Variants in LINGO2 observed in about 807,000 individuals in gnomAD.
LINGO2 encodes the protein leucine-rich repeat and immunoglobulin-like domain-containing nogo receptor-interacting protein 2.
Under a neutral mutation model 30.6 loss-of-function variants are expected in LINGO2, and 14 were observed. The observed-to-expected ratio is 0.46, with a 90% CI of 0.30 to 0.72. The LOEUF (loss-of-function observed/expected upper bound fraction) is 0.72. Among genes scored for constraint, LINGO2 ranks in the 30% least tolerant of loss-of-function variants. The pLI is 0.07. For synonymous variants in LINGO2, 317 were observed against 288.5 expected, an observed-to-expected ratio of 1.10 and a Z score of -1.00; for missense variants, 729 against 751.7, an observed-to-expected ratio of 0.97 and a Z score of 0.35.
At chr9:28,076,200 A>G (rs1010919197) in intron 4 of LINGO2, among the ~76,000 whole-genome samples, 2 of 152,142 alleles carry the variant, frequency 1.3e-5, no homozygotes, top group African/African-American at 2.4e-5. Flanking sequence ...TCTTCTAAAT[A>G]CTATCTTAGA....
At chr9:28,367,175 T>C (rs987659783) in intron 3 of LINGO2, among the ~76,000 whole-genome samples, 3 of 150,548 alleles carry the variant, frequency 2.0e-5, no homozygotes, top group African/African-American at 5.0e-5. Flanking sequence ...TATACATTTA[T>C]TTCAATTCTT....
intron 4 of LINGO2, among the ~76,000 whole-genome samples, chr9:28,016,067 G>A (rs927936931): frequency 2.0e-5 from 3 of 151,362 alleles, no homozygotes; most frequent in Admixed American, 6.6e-5. Flanking sequence ...TTTAATGGAG[G>A]CTTCCTTGGA....
chr9:28,743,232 C>T, the LINGO2 span, among the ~76,000 whole-genome samples: 100 of 151,912 alleles, frequency 6.6e-4, 1 homozygote, highest in Admixed American at 6.1e-3. Flanking sequence ...ATATGCAGAT[C>T]GTGCAGGTTT....
chr9:28,273,214 G>A (rs1244535981), intron 4 of LINGO2, among the ~76,000 whole-genome samples: 2 of 152,130 alleles, frequency 1.3e-5, no homozygotes, highest in Non-Finnish European at 2.9e-5. Context: ...TTCCTTAGAA[G>A]AGATTCTTTA....
chr9:28,328,338 A>G (rs1216051274), intron 3 of LINGO2, among the ~76,000 whole-genome samples: 1 of 152,198 alleles, frequency 6.6e-6, no homozygotes, highest in Non-Finnish European at 1.5e-5. Context: ...GGAAAGTCCA[A>G]TGTGTTGTGA....
At chr9:28,408,038 C>G (rs1430073605) in intron 2 of LINGO2, among the ~76,000 whole-genome samples, 1 of 151,962 alleles carries the variant, frequency 6.6e-6, no homozygotes, top group African/African-American at 2.4e-5. Flanking sequence ...GAGAAGCAGT[C>G]TGACTATTTT....
chr9:28,406,112 T>C (rs1822501721), intron 2 of LINGO2, among the ~76,000 whole-genome samples: 1 of 152,178 alleles, frequency 6.6e-6, no homozygotes, highest in Non-Finnish European at 1.5e-5. Context: ...GTTCATTGGA[T>C]AGAATTTGAA....
chr9:29,006,316 C>G, the LINGO2 span, among the ~76,000 whole-genome samples: 1 of 151,990 alleles, frequency 6.6e-6, no homozygotes, highest in Non-Finnish European at 1.5e-5. Flanking sequence ...CAGAGAAGGG[C>G]TCTGCTTGGT....
intron 4 of LINGO2, among the ~76,000 whole-genome samples, chr9:28,173,327 T>A (rs1828655323): frequency 6.6e-6 from 1 of 152,210 alleles, no homozygotes; most frequent in African/African-American, 2.4e-5. Context: ...GGTATTTATA[T>A]CTGCTGTTTT....
chr9:28,993,323 T>G, the LINGO2 span, among the ~76,000 whole-genome samples: 1 of 152,080 alleles, frequency 6.6e-6, no homozygotes, highest in Middle Eastern at 3.2e-3. Flanking sequence ...CAGGAAAAAG[T>G]TGAATCTCTG....
At chr9:29,041,591 T>C in the LINGO2 span, among the ~76,000 whole-genome samples, 1 of 151,902 alleles carries the variant, frequency 6.6e-6, no homozygotes, top group African/African-American at 2.4e-5. Flanking sequence ...CTAGAGCAAA[T>C]GGACAACCAT....
chr9:29,091,979 T>G, the LINGO2 span, among the ~76,000 whole-genome samples: 15 of 152,072 alleles, frequency 9.9e-5, no homozygotes, highest in African/African-American at 3.6e-4. Flanking sequence ...TAAATAGATA[T>G]CCTAGTTAGT....
the LINGO2 span, chr9:28,863,675 T>C: frequency 5.6e-6 from 3 of 532,300 alleles, no homozygotes; most frequent in South Asian, 1.4e-5. Flanking sequence ...AGCTTAGATA[T>C]GGTGATTCAC....
the LINGO2 span, among the ~76,000 whole-genome samples, chr9:28,723,241 G>A: frequency 2.0e-5 from 3 of 152,066 alleles, no homozygotes; most frequent in African/African-American, 2.4e-5. Context: ...CTCAGGTGAC[G>A]TTGCTGTTGC....
chr9:28,684,332 C>A, the LINGO2 span, among the ~76,000 whole-genome samples: 1 of 150,102 alleles, frequency 6.7e-6, no homozygotes, highest in African/African-American at 2.4e-5. Context: ...GGACTACAGG[C>A]GCCCGCCACC....
intron 4 of LINGO2, among the ~76,000 whole-genome samples, chr9:28,197,296 A>G (rs1820047164): frequency 6.6e-6 from 1 of 151,976 alleles, no homozygotes; most frequent in Non-Finnish European, 1.5e-5. Context: ...TCTAAGGAAA[A>G]CAAATAGAAT....
chr9:28,226,397 T>C (rs1366697709), intron 4 of LINGO2, among the ~76,000 whole-genome samples: 1 of 152,010 alleles, frequency 6.6e-6, no homozygotes, highest in Admixed American at 6.6e-5. Context: ...GTCTCTTATA[T>C]ATACCTCCAT....
At chr9:28,219,651 G>C (rs1820890025) in intron 4 of LINGO2, among the ~76,000 whole-genome samples, 1 of 152,098 alleles carries the variant, frequency 6.6e-6, no homozygotes, top group Non-Finnish European at 1.5e-5. Flanking sequence ...ACATAGTCTA[G>C]ATATGTGGCT....
chr9:28,393,250 C>T (rs906025169), intron 2 of LINGO2, among the ~76,000 whole-genome samples: 2 of 152,212 alleles, frequency 1.3e-5, no homozygotes, highest in African/African-American at 4.8e-5. Flanking sequence ...AAACACTGCC[C>T]TCATGGAGAT....
Sources: allele counts gnomAD v4.1 joint callset (sites outside exome capture counted in the v4.1 genomes callset), GRCh38; gene constraint gnomAD v4.1.1; transcripts MANE v1.5; gene names NCBI Gene and HGNC (gene_info 2026-07-23, HGNC 2026-07-21).